The following ARMH4 variants were observed in gnomAD, a reference collection of about 807,000 sequenced individuals.
ARMH4 encodes the protein armadillo like helical domain containing 4.
ARMH4 carries 49 observed loss-of-function variants against 61.9 expected under a neutral mutation model. The ratio of observed to expected loss-of-function variants is 0.79; its 90% CI spans 0.63 to 1.00. The LOEUF (loss-of-function observed/expected upper bound fraction) is 1.00, where lower values mean the gene tolerates loss of function less well. ARMH4 is among the 50% of genes least tolerant of loss of function. The probability of loss-of-function intolerance (pLI) is 0.00; values close to 1 mark genes in which losing one functional copy is unlikely to be tolerated. For synonymous variants in ARMH4, 368 were observed against 341.5 expected, an observed-to-expected ratio of 1.08 and a Z score of -0.85; for missense variants, 934 against 930.0, an observed-to-expected ratio of 1.00 and a Z score of -0.06.
chr14:58,078,288 A>C (rs1428729491), intron 5 of ARMH4, among the ~76,000 whole-genome samples: 1 of 152,168 alleles, frequency 6.6e-6, no homozygotes, highest in Non-Finnish European at 1.5e-5. Flanking sequence ...ATTTGAAAGG[A>C]ATGTTTATAT....
intron 5 of ARMH4, among the ~76,000 whole-genome samples, chr14:58,080,136 AT>A (rs1381537817): frequency 3.0e-4 from 44 of 146,708 alleles, no homozygotes; most frequent in Non-Finnish European, 4.8e-4. Flanking sequence ...TATATATAAA[AT>A]TTTTTTTTTG....
At position 58,139,239 on chromosome 14, in the gene ARMH4, A is replaced by G. The variant is rs754355438; in HGVS notation, c.120T>C (p.Val40=). The change falls in exon 2 of 8, where the codon GTT becomes GTC. Residue 40 remains valine (V), a synonymous_variant. Transcript: ENST00000267485. ...KIERRREIAH[V]HAEKGQSDKM... is the part of the protein sequence containing the mutation. ...TATCGGACTGCCCTTTTTCCGCATG[A>G]ACATGTGCTATCTCCCTCCTCCTTT... 1 of 1,614,206 alleles carries G rather than the reference A, an allele frequency of 6.2e-7. No individual in the cohort carries two copies. Among genetic ancestry groups the G allele is most frequent in the Non-Finnish European group, 8.5e-7 (1 of 1,180,046 alleles).
chr14:58,106,041 T>C (rs1043308577), intron 4 of ARMH4, among the ~76,000 whole-genome samples: 1 of 152,180 alleles, frequency 6.6e-6, no homozygotes, highest in Admixed American at 6.5e-5. Context: ...CTCTTGACAG[T>C]CAAAATCCTC....
chr14:58,087,454 G>A (rs1438195070), intron 5 of ARMH4, among the ~76,000 whole-genome samples: 9 of 152,096 alleles, frequency 5.9e-5, no homozygotes, highest in Non-Finnish European at 4.4e-5. Flanking sequence ...GGACTATAGC[G>A]ACACTCAACT....
intron 1 of ARMH4, among the ~76,000 whole-genome samples, chr14:58,148,733 T>C (rs1400636947): frequency 1.3e-5 from 2 of 152,180 alleles, no homozygotes; most frequent in Non-Finnish European, 2.9e-5. Context: ...TGTCTACTTG[T>C]ATGTTTTATT....
intron 6 of ARMH4, among the ~76,000 whole-genome samples, chr14:58,011,735 T>TA (rs1280991148): frequency 1.5e-5 from 2 of 137,762 alleles, no homozygotes; most frequent in African/African-American, 5.4e-5. Flanking sequence ...AGCACTGTGA[T>TA]AAACTACACA....
chr14:58,018,825 T>C (rs1484113482), intron 5 of ARMH4, among the ~76,000 whole-genome samples: 1 of 152,202 alleles, frequency 6.6e-6, no homozygotes, highest in Non-Finnish European at 1.5e-5. Flanking sequence ...TGCACTCTCA[T>C]GTTCACTGCA....
At chr14:58,020,308 G>T (rs544415116) in intron 5 of ARMH4, among the ~76,000 whole-genome samples, 2 of 152,216 alleles carry the variant, frequency 1.3e-5, no homozygotes, top group Admixed American at 6.5e-5. Flanking sequence ...GGATATGGGG[G>T]ATACTCAAGC....
chr14:58,027,516 T>C (rs954027837), intron 5 of ARMH4, among the ~76,000 whole-genome samples: 4 of 151,774 alleles, frequency 2.6e-5, no homozygotes, highest in African/African-American at 9.7e-5. Context: ...TTGAAAGTCA[T>C]AGGCTATCTC....
rs1464751491 is a variant in ARMH4 at position 58,138,823 on chromosome 14, G to GTTTCTGTGA, written c.527_535dup (p.Ile176_Glu178dup). On this transcript the variant is annotated inframe_insertion, in exon 2 of 8. Coordinates refer to ENST00000267485, the MANE Select transcript of ARMH4 (RefSeq NM_001001872.4). ...CATATACTTCAGAAAACCTTTTGTG[G>GTTTCTGTGA]TTTCTGTGATCTCTTCTACAATGGG... is the stretch of plus-strand genomic sequence containing the variant. The GTTTCTGTGA allele has an allele frequency of 2.5e-6, 4 of 1,614,188 alleles. No individual in the cohort carries two copies. The highest frequency in any genetic ancestry group is 3.4e-6 in the Non-Finnish European group (4 of 1,180,018).
chr14:58,090,643 C>T (rs569774507), intron 5 of ARMH4, among the ~76,000 whole-genome samples: 1 of 151,832 alleles, frequency 6.6e-6, no homozygotes, highest in African/African-American at 2.4e-5. Flanking sequence ...CTTTAGGAGG[C>T]CAAGGCAGAC....
intron 5 of ARMH4, among the ~76,000 whole-genome samples, chr14:58,043,320 A>C (rs1883796371): frequency 6.6e-6 from 1 of 152,066 alleles, no homozygotes; most frequent in African/African-American, 2.4e-5. Context: ...CAATAAATGT[A>C]ATCCAGCATA....
chr14:58,138,456 G>A lies in ARMH4; in HGVS notation c.903C>T (p.Ser301=). ...LGAPEVTVSV[S]TAVPAASALS... ...AGGCAGAGGCAGCTGGAACAGCTGT[G>A]CTGACACTCACTGTGACTTCTGGGG... Residue 301 remains serine, a synonymous_variant, in exon 2 of 8, where the codon AGC becomes AGT. Transcript: ENST00000267485. The A allele has an allele frequency of 6.2e-7, 1 of 1,614,248 alleles. No homozygotes were observed. The highest frequency in any genetic ancestry group is 1.3e-5 in the African/African-American group (1 of 75,068).
rs185141903 is a variant in ARMH4, at chr14:58,043,557, T to C, written c.2090-31407A>G. Reference sequence around the variant, plus strand: ...TGAAAACTGGCACAAGACAGGGATGTCCTCTCTCACCACTCCTATTCGACA... The same window carrying C: ...TGAAAACTGGCACAAGACAGGGATGCCCTCTCTCACCACTCCTATTCGACA... On this transcript the variant is annotated intron_variant, in intron 5 of 7. Coordinates refer to ENST00000267485, the MANE Select transcript of ARMH4 (RefSeq NM_001001872.4). Among the ~76,000 whole-genome samples the C allele has an allele frequency of 1.5e-3, 223 of 152,242 alleles. 3 individuals are homozygous for C. The highest frequency in any genetic ancestry group is 2.5e-3 in the East Asian group (13 of 5,186).
chr14:58,114,047 T>C (rs1281446730), intron 4 of ARMH4, among the ~76,000 whole-genome samples: 1 of 152,168 alleles, frequency 6.6e-6, no homozygotes, highest in Non-Finnish European at 1.5e-5. Context: ...TTCTGCTGAC[T>C]GTCAGTCATG....
intron 5 of ARMH4, among the ~76,000 whole-genome samples, chr14:58,095,653 AC>A (rs1885723771): frequency 6.6e-6 from 1 of 152,192 alleles, no homozygotes; most frequent in Non-Finnish European, 1.5e-5. Flanking sequence ...CCCATCCCTT[AC>A]TATCTTCTCT....
intron 1 of ARMH4, among the ~76,000 whole-genome samples, chr14:58,148,334 C>T (rs745682373): frequency 3.3e-5 from 5 of 152,272 alleles, no homozygotes; most frequent in South Asian, 2.1e-4. Context: ...CGTGAGCCAC[C>T]GTGCTCAGCT....
intron 4 of ARMH4, among the ~76,000 whole-genome samples, chr14:58,099,854 C>T (rs117260626): frequency 1.3e-5 from 2 of 152,280 alleles, no homozygotes; most frequent in East Asian, 1.9e-4. Context: ...AAATTTATTA[C>T]GGCTGTGTGA....
intron 2 of ARMH4, 40 bp from the exon 3 acceptor site, chr14:58,133,381 T>A (rs1394767814): frequency 2.9e-6 from 4 of 1,376,142 alleles, no homozygotes; most frequent in Middle Eastern, 2.7e-4. Context: ...ACCAAATCCC[T>A]ATTTTTTTAA....
Sources: gnomAD v4.1 joint callset for allele counts (sites outside exome capture counted in the v4.1 genomes callset) on GRCh38, gnomAD v4.1.1 for gene constraint, MANE v1.5 for transcripts, NCBI Gene and HGNC (gene_info 2026-07-23, HGNC 2026-07-21) for gene names.